The following ITGBL1 variants were observed in gnomAD, a reference collection of about 807,000 sequenced individuals.
ITGBL1 encodes integrin subunit beta like 1.
Under a neutral mutation model 68.5 loss-of-function variants are expected in ITGBL1, and 51 were observed. The ratio of observed to expected loss-of-function variants is 0.74; its 90% CI spans 0.59 to 0.94. ITGBL1 has a LOEUF of 0.94. ITGBL1 is among the 40% of genes least tolerant of loss of function. The pLI is 0.00. For synonymous variants in ITGBL1, 209 were observed against 227.3 expected (o/e 0.92, Z 0.72); for missense variants, 649 against 647.4 (o/e 1.00, Z -0.03).
intron 7 of ITGBL1, among the ~76,000 whole-genome samples, chr13:101,653,925 T>A (rs2139460175): frequency 6.7e-6 from 1 of 149,634 alleles, no homozygotes; most frequent in African/African-American, 2.4e-5. Flanking sequence ...TTGGCCAGGA[T>A]GGTCTCGATC....
chr13:101,671,973 A>G (rs1190024697), intron 7 of ITGBL1, among the ~76,000 whole-genome samples: 1 of 152,374 alleles, frequency 6.6e-6, no homozygotes, highest in East Asian at 1.9e-4. Context: ...TACTACAGAC[A>G]AAACCTGAAG....
At chr13:101,588,806 T>G (rs1225138792) in intron 6 of ITGBL1, among the ~76,000 whole-genome samples, 3 of 152,212 alleles carry the variant, frequency 2.0e-5, no homozygotes, top group African/African-American at 4.8e-5. Context: ...ATTTTCATCT[T>G]CTTGACTTTA....
chr13:101,621,513 A>C (rs896218543), intron 7 of ITGBL1, among the ~76,000 whole-genome samples: 1 of 151,978 alleles, frequency 6.6e-6, no homozygotes, highest in Non-Finnish European at 1.5e-5. Flanking sequence ...TCTCCCACTT[A>C]AAAAGGGATA....
intron 2 of ITGBL1, among the ~76,000 whole-genome samples, chr13:101,547,107 C>T (rs969322957): frequency 6.6e-5 from 10 of 151,574 alleles, no homozygotes; most frequent in Admixed American, 1.3e-4. Context: ...AATGAAAATC[C>T]TGAATATCAG....
rs1225653279 is a variant in ITGBL1, at chr13:101,515,784, A to G, written c.317-51915A>G. ...CTAGGTGAAACATTTCATATGAGTC[A>G]TCAGATTGATCTTCTCTGCGATGTA... On this transcript the variant is annotated intron_variant, in intron 2 of 10. Coordinates refer to ENST00000376180, the MANE Select transcript of ITGBL1 (RefSeq NM_004791.3). Among the ~76,000 whole-genome samples, 7 of 152,326 alleles carry G rather than the reference A, an allele frequency of 4.6e-5. No homozygotes were observed. The South Asian group carries it at 1.0e-3, about 23-fold the overall frequency.
chr13:101,635,134 C>T (rs7995030), intron 7 of ITGBL1, among the ~76,000 whole-genome samples: 85,613 of 151,716 alleles, frequency 0.56, 25,749 homozygotes, highest in East Asian at 0.68. Flanking sequence ...GGGAAGGTTT[C>T]GTATCATTCA....
At chr13:101,720,528 C>CTGTGTGTGTGTGTGTG (rs1491358179), downstream of ITGBL1, 1 of 92,694 alleles carries the variant, frequency 1.1e-5, no homozygotes, top group African/African-American at 4.7e-5. Flanking sequence ...GGGGTGTTTG[C>CTGTGTGTGTGTGTGTG]TCTGTGTGTG....
intron 2 of ITGBL1, among the ~76,000 whole-genome samples, chr13:101,536,891 G>T (rs889589721): frequency 6.6e-6 from 1 of 151,844 alleles, no homozygotes; most frequent in Admixed American, 6.6e-5. Flanking sequence ...GAAATGAATG[G>T]CATTTAAAGG....
At chr13:101,626,420 T>C (rs998965614) in intron 7 of ITGBL1, among the ~76,000 whole-genome samples, 1 of 152,200 alleles carries the variant, frequency 6.6e-6, no homozygotes, top group Non-Finnish European at 1.5e-5. Context: ...TTCTCCGAAA[T>C]AAGCAGCTTA....
At chr13:101,472,262 T>G (rs562225167) in intron 2 of ITGBL1, among the ~76,000 whole-genome samples, 1 of 152,158 alleles carries the variant, frequency 6.6e-6, no homozygotes, top group Non-Finnish European at 1.5e-5. Flanking sequence ...TTCCAAATGC[T>G]CTTAGTGTAA....
intron 3 of ITGBL1, among the ~76,000 whole-genome samples, chr13:101,571,259 A>G (rs1440649708): frequency 1.3e-5 from 2 of 151,988 alleles, no homozygotes; most frequent in Non-Finnish European, 2.9e-5. Context: ...ACACCACTAA[A>G]CCAAGCAAAT....
At chr13:101,504,312 C>T (rs1329692904) in intron 2 of ITGBL1, among the ~76,000 whole-genome samples, 1 of 152,124 alleles carries the variant, frequency 6.6e-6, no homozygotes, top group Non-Finnish European at 1.5e-5. Context: ...CATGCCCTCT[C>T]AGAGTCACGA....
Position 101,693,620 on chromosome 13 carries a change from GTCTGTCTA to G in ITGBL1, c.1132+923_1132+930del, listed in dbSNP as rs1305893642. On this transcript the variant is annotated intron_variant, in intron 8 of 10. Coordinates refer to ENST00000376180, the MANE Select transcript of ITGBL1 (RefSeq NM_004791.3). ...CACCATCCATCCATCCTATCTGTCT[GTCTGTCTA>G]TCTATCTATCTATCTATCTATCTAT... Among the ~76,000 whole-genome samples, 22 of 99,340 alleles carry G rather than the reference GTCTGTCTA, an allele frequency of 2.2e-4. No individual in the cohort carries two copies. In the East Asian group the frequency reaches 4.1e-3, roughly 19 times the overall value. The allele number at this position is 99,340 out of a possible 152,430, so 65.2% of individuals were successfully genotyped here.
Position 101,465,563 on chromosome 13 carries a change from C to T in ITGBL1, c.316+11463C>T, listed in dbSNP as rs78706762. 5.0e-3 allele frequency among the ~76,000 whole-genome samples: 756 copies of T among 152,236 alleles called. 36 individuals are homozygous for T. The East Asian group carries it at 0.11, about 23-fold the overall frequency. On this transcript the variant is annotated intron_variant, in intron 2 of 10. Transcript: ENST00000376180. ...GAAATAAAATAATGTGATAAATCAG[C>T]TTTAGATTTGTCCGGTTTTAAGACC...
intron 2 of ITGBL1, among the ~76,000 whole-genome samples, chr13:101,477,001 G>C (rs1403466075): frequency 2.0e-5 from 3 of 152,074 alleles, no homozygotes; most frequent in Non-Finnish European, 4.4e-5. Context: ...AATTGAACCT[G>C]ATAGGTATTT....
rs748414326 is a variant in ITGBL1, at chr13:101,575,586, GT to G, written c.586+47del. Reference sequence around the variant, plus strand: ...TCTGTAGAAATTAATAAAAGTACCTGTTTTTTTCACCTATTTCATTGTTCTT... The same window carrying G: ...TCTGTAGAAATTAATAAAAGTACCTGTTTTTTCACCTATTTCATTGTTCTT... On this transcript the variant is annotated intron_variant, in intron 4 of 10. Transcript: ENST00000376180. 5.2e-5 allele frequency: 82 copies of G among 1,589,904 alleles called. No homozygotes were observed. The African/African-American group carries it at 1.0e-3, about 20-fold the overall frequency.
chr13:101,586,085 C>T (rs771818785), intron 6 of ITGBL1, among the ~76,000 whole-genome samples: 4 of 152,094 alleles, frequency 2.6e-5, no homozygotes, highest in East Asian at 1.9e-4. Flanking sequence ...ATTCCCGCAG[C>T]GTGTCATTTA....
chr13:101,565,849 G>C (rs35348757), intron 2 of ITGBL1, among the ~76,000 whole-genome samples: 2 of 152,058 alleles, frequency 1.3e-5, no homozygotes, highest in Non-Finnish European at 2.9e-5. Flanking sequence ...TTAGAATATT[G>C]CTTCTATTGA....
chr13:101,661,172 T>C (rs984693437), intron 7 of ITGBL1, among the ~76,000 whole-genome samples: 14 of 152,128 alleles, frequency 9.2e-5, no homozygotes, highest in Admixed American at 3.3e-4. Context: ...ATATCCAGTC[T>C]AAAGTACAGA....
Sources: gnomAD v4.1 joint callset for allele counts (sites outside exome capture counted in the v4.1 genomes callset) on GRCh38, gnomAD v4.1.1 for gene constraint, MANE v1.5 for transcripts, NCBI Gene and HGNC (gene_info 2026-07-23, HGNC 2026-07-21) for gene names.